The following NCKAP5 variants were observed in gnomAD, a reference collection of about 807,000 sequenced individuals.
NCKAP5 encodes nck-associated protein 5.
A neutral mutation model predicts 167.0 loss-of-function variants in NCKAP5; 92 were observed. The observed-to-expected ratio is 0.55, with a 90% CI of 0.47 to 0.66. The LOEUF (loss-of-function observed/expected upper bound fraction) is 0.66. Among genes scored for constraint, NCKAP5 ranks in the 30% least tolerant of loss-of-function variants. The pLI is 0.00. For missense variants in NCKAP5, 2,378 were observed against 2,315.0 expected (o/e 1.03, Z -0.56); for synonymous variants, 891 against 877.4 (o/e 1.02, Z -0.27).
intron 3 of NCKAP5, among the ~76,000 whole-genome samples, chr2:133,404,027 A>G (rs1219879616): frequency 6.6e-6 from 1 of 152,110 alleles, no homozygotes. Context: ...TCTTGCCTAC[A>G]CACCTGGGTA....
At chr2:132,913,975 G>A (rs933966222) in intron 8 of NCKAP5, among the ~76,000 whole-genome samples, 3 of 152,096 alleles carry the variant, frequency 2.0e-5, no homozygotes, top group Admixed American at 1.3e-4. Context: ...GGCTCAGTTG[G>A]TAATATTTCC....
chr2:133,043,000 G>T (rs996033604), intron 6 of NCKAP5, among the ~76,000 whole-genome samples: 1 of 152,086 alleles, frequency 6.6e-6, no homozygotes. Context: ...GGTCCTGAGA[G>T]GACCAAGACC....
At chr2:132,774,212 T>C (rs1310386941) in intron 15 of NCKAP5, among the ~76,000 whole-genome samples, 1 of 152,190 alleles carries the variant, frequency 6.6e-6, no homozygotes, top group Non-Finnish European at 1.5e-5. Context: ...CAGCTTAGCT[T>C]GTTAATAATT....
intron 5 of NCKAP5, among the ~76,000 whole-genome samples, chr2:133,148,846 T>C (rs1017730524): frequency 6.6e-6 from 1 of 152,112 alleles, no homozygotes; most frequent in Admixed American, 6.5e-5. Flanking sequence ...TACCATCACA[T>C]TGGAAATGAG....
intron 3 of NCKAP5, among the ~76,000 whole-genome samples, chr2:133,494,550 C>G (rs1208472516): frequency 6.6e-6 from 1 of 152,154 alleles, no homozygotes; most frequent in Non-Finnish European, 1.5e-5. Context: ...AATGAGCCCC[C>G]TCTTAGCCAA....
In NCKAP5 at chr2:133,256,351, A is replaced by G. The variant is rs984937066; in HGVS notation, c.144-42572T>C. Among the ~76,000 whole-genome samples the G allele has an allele frequency of 2.0e-5, 3 of 152,288 alleles. No individual in the cohort carries two copies. The South Asian group carries it at 6.2e-4, about 32-fold the overall frequency. ...CTTCATCTGAATTAACAACCCCATTAGGAAAAATTGTGACCCCAAAATAAC... is the reference window on the plus strand; with the variant it reads ...CTTCATCTGAATTAACAACCCCATTGGGAAAAATTGTGACCCCAAAATAAC... On this transcript the variant is annotated intron_variant, in intron 4 of 19. Coordinates refer to ENST00000409261, the MANE Select transcript of NCKAP5 (RefSeq NM_207363.3).
chr2:132,732,102 G>C, intron 16 of NCKAP5, 51 bp from the exon 17 acceptor site: 12 of 1,489,450 alleles, frequency 8.1e-6, no homozygotes, highest in Non-Finnish European at 9.9e-6. Flanking sequence ...TCACATAAAA[G>C]GATAAAAGAA....
At chr2:133,524,494 T>C (rs1047182475) in intron 2 of NCKAP5, among the ~76,000 whole-genome samples, 3 of 152,170 alleles carry the variant, frequency 2.0e-5, no homozygotes, top group African/African-American at 7.2e-5. Flanking sequence ...TCCAAGTTAA[T>C]GTACGTATAT....
At chr2:133,470,614 C>T (rs1444362623) in intron 3 of NCKAP5, among the ~76,000 whole-genome samples, 1 of 152,246 alleles carries the variant, frequency 6.6e-6, no homozygotes, top group Admixed American at 6.5e-5. Flanking sequence ...CCCAGCCTCG[C>T]TGCCGCCTTG....
chr2:133,280,274 T>C (rs2089887456), intron 4 of NCKAP5, among the ~76,000 whole-genome samples: 1 of 152,206 alleles, frequency 6.6e-6, no homozygotes, highest in Admixed American at 6.5e-5. Context: ...AGCATCCACA[T>C]GTCTGAAATG....
chr2:133,546,668 A>G (rs1686708081), intron 2 of NCKAP5, among the ~76,000 whole-genome samples: 5 of 152,038 alleles, frequency 3.3e-5, no homozygotes, highest in African/African-American at 1.2e-4. Flanking sequence ...CAAAAACAAA[A>G]CAAAACAAAA....
At chr2:133,137,043 C>CT (rs1473179137) in intron 5 of NCKAP5, among the ~76,000 whole-genome samples, 44 of 152,172 alleles carry the variant, frequency 2.9e-4, no homozygotes, top group African/African-American at 1.1e-3. Flanking sequence ...TGGGAAAACT[C>CT]TATTAACCAA....
chr2:133,310,036 T>C, intron 3 of NCKAP5, among the ~76,000 whole-genome samples: 1 of 152,160 alleles, frequency 6.6e-6, no homozygotes. Flanking sequence ...TCAACACAAC[T>C]ATCTGCAATT....
At chr2:133,131,002 G>A (rs563571374) in intron 5 of NCKAP5, among the ~76,000 whole-genome samples, 1 of 152,242 alleles carries the variant, frequency 6.6e-6, no homozygotes, top group Non-Finnish European at 1.5e-5. Flanking sequence ...TACTTAAAAG[G>A]AAAGAAGGCA....
chr2:133,581,275 T>C, the NCKAP5 span, among the ~76,000 whole-genome samples: 1 of 152,228 alleles, frequency 6.6e-6, no homozygotes, highest in African/African-American at 2.4e-5. Context: ...TTTATGCTGG[T>C]AAGACAGGGC....
At chr2:133,133,414 G>A (rs540932535) in intron 5 of NCKAP5, among the ~76,000 whole-genome samples, 24 of 152,256 alleles carry the variant, frequency 1.6e-4, no homozygotes, top group Non-Finnish European at 2.4e-4. Flanking sequence ...CTCCATGTTC[G>A]TCACCTCTTC....
rs538917276 is a variant in NCKAP5, at chr2:133,168,002, C to A, written c.208-37891G>T. 4.6e-5 allele frequency among the ~76,000 whole-genome samples: 7 copies of A among 152,248 alleles called. No individual in the cohort carries two copies. The East Asian group carries it at 1.4e-3, about 29-fold the overall frequency. On this transcript the variant is annotated intron_variant, in intron 5 of 19. Coordinates refer to ENST00000409261, the MANE Select transcript of NCKAP5 (RefSeq NM_207363.3). ...ATAGCTAATTTTAAGTGTGTGTTTA[C>A]TGTTTGCAAGGTACTATTTTAAGCG...
chr2:133,090,886 G>A (rs1345448111), intron 6 of NCKAP5, among the ~76,000 whole-genome samples: 1 of 152,102 alleles, frequency 6.6e-6, no homozygotes, highest in Admixed American at 6.5e-5. Flanking sequence ...ATACCTCGCT[G>A]ATGTGGTTTG....
At chr2:132,990,000 G>T (rs1001091450) in intron 7 of NCKAP5, among the ~76,000 whole-genome samples, 1 of 152,000 alleles carries the variant, frequency 6.6e-6, no homozygotes, top group Admixed American at 6.5e-5. Context: ...TTCCATAAGT[G>T]CTTTGCAAAC....
Sources: allele counts gnomAD v4.1 joint callset (sites outside exome capture counted in the v4.1 genomes callset), GRCh38; gene constraint gnomAD v4.1.1; transcripts MANE v1.5; gene names NCBI Gene and HGNC (gene_info 2026-07-23, HGNC 2026-07-21).